The following POLI variants were observed in gnomAD, a reference collection of about 807,000 sequenced individuals.
POLI encodes RAD30 homolog B.
Under a neutral mutation model 51.6 loss-of-function variants are expected in POLI, and 58 were observed. The ratio of observed to expected loss-of-function variants is 1.12; its 90% CI spans 0.91 to 1.40. POLI has a LOEUF of 1.40. Among genes scored for constraint, POLI ranks in the 40% most tolerant of loss-of-function variants. The pLI, the probability that POLI is intolerant of heterozygous loss-of-function variation, is 0.00. For synonymous variants in POLI, 322 were observed against 299.7 expected (o/e 1.07, Z -0.77); for missense variants, 921 against 871.3 (o/e 1.06, Z -0.72).
At chr18:54,304,877 G>T (rs1196035383) in intron 3 of POLI, among the ~76,000 whole-genome samples, 1 of 152,166 alleles carries the variant, frequency 6.6e-6, no homozygotes, top group Non-Finnish European at 1.5e-5. Context: ...TTTTCTTCTA[G>T]GGTTTTTACG....
rs1431631845 is a variant in POLI at position 54,294,692 on chromosome 18, ATTAC to A, written c.*228_*231del. ...TCTTTTATGTCTAAAGCCATTTTAT[ATTAC>A]TTTTCAATAAAAAGAATATCATGGT... On this transcript the variant is annotated 3_prime_UTR_variant, in exon 10 of 10. Coordinates refer to ENST00000579534, the MANE Select transcript of POLI (RefSeq NM_007195.3). The A allele has an allele frequency of 1.6e-5, 18 of 1,133,808 alleles. No homozygotes were observed. Among genetic ancestry groups the A allele is most frequent in the Middle Eastern group, 3.6e-4 (1 of 2,794 alleles). 70.2% of individuals were successfully genotyped at this position (1,133,808 alleles called of 1,614,324 possible).
At chr18:54,309,837 C>A (rs963786686) in intron 3 of POLI, among the ~76,000 whole-genome samples, 9 of 152,236 alleles carry the variant, frequency 5.9e-5, no homozygotes, top group African/African-American at 2.2e-4. Flanking sequence ...GCAGTTCCAT[C>A]TCGGACTGCT....
chr18:54,272,362 A>T (rs1242336793), intron 2 of POLI: 1 of 152,228 alleles, frequency 6.6e-6, no homozygotes, highest in Non-Finnish European at 1.5e-5. Flanking sequence ...TGTTCTGTAG[A>T]TAATGCTTAA....
Position 54,293,501 on chromosome 18 carries a change from T to G in POLI, c.1405-148T>G, listed in dbSNP as rs2088124647. 4 of 563,268 alleles carry G rather than the reference T, an allele frequency of 7.1e-6. No homozygotes were observed. In the African/African-American group the frequency reaches 7.6e-5, roughly 11 times the overall value. The allele number at this position is 563,268 out of a possible 1,614,324, so 34.9% of individuals were successfully genotyped here. A position where few individuals can be genotyped will look rare whatever the true frequency, so the allele number is the denominator to read the frequency against. On this transcript the variant is annotated intron_variant, in intron 9 of 9. Coordinates refer to ENST00000579534, the MANE Select transcript of POLI (RefSeq NM_007195.3). ...TAGTGTGAATAATTGTGGTAGTAGA[T>G]CTCTAGTTGTTTGGAACTGGCCACA...
rs762574854 is a variant in POLI at position 54,294,136 on chromosome 18, A to G, written c.1892A>G (p.Asp631Gly). ...TATTATTTAGATAATAGATTAAAAGATGAACGAATAAGTCAAGGACCTAAA... is the reference window on the plus strand; with the variant it reads ...TATTATTTAGATAATAGATTAAAAGGTGAACGAATAAGTCAAGGACCTAAA... ...YSYYLDNRLK[D>G]ERISQGPKEP... is the part of the protein sequence containing the mutation. Residue 631 changes from aspartate to glycine, a missense_variant, in exon 10 of 10, where the codon GAT (aspartate) becomes GGT (glycine). Coordinates refer to ENST00000579534, the MANE Select transcript of POLI (RefSeq NM_007195.3). 5 of 1,610,526 alleles carry G rather than the reference A, an allele frequency of 3.1e-6. No individual in the cohort carries two copies. In the Admixed American group the frequency reaches 5.0e-5, roughly 16 times the overall value.
In POLI at chr18:54,271,366, A is replaced by G. The variant is rs1352254116; in HGVS notation, c.122A>G (p.His41Arg). Reference protein sequence around the residue: ...VGAAASSQGVHDQVLPTPNAS... With the variant: ...VGAAASSQGVRDQVLPTPNAS... ...TTCTTTGCATATTGTGCAGGAGTTC[A>G]TGATCAAGTGTTGCCCACACCAAAT... Residue 41 changes from histidine (H) to arginine (R), a missense_variant, in exon 2 of 10, where the codon CAT becomes CGT. Physicochemically the swap from His to Arg is conservative, Grantham distance 29. Coordinates refer to ENST00000579534, the MANE Select transcript of POLI (RefSeq NM_007195.3). 5 of 1,611,842 alleles carry G rather than the reference A, an allele frequency of 3.1e-6. No individual in the cohort carries two copies. In the South Asian group the frequency reaches 5.5e-5, roughly 18 times the overall value.
chr18:54,308,871 A>G (rs901746187), intron 3 of POLI, among the ~76,000 whole-genome samples: 1 of 152,156 alleles, frequency 6.6e-6, no homozygotes, highest in Non-Finnish European at 1.5e-5. Flanking sequence ...AGTTGATCGA[A>G]TCGGCTACTG....
At chr18:54,269,982 G>A (rs2086929354) in intron 1 of POLI, 5 of 1,102,614 alleles carry the variant, frequency 4.5e-6, no homozygotes, top group Non-Finnish European at 4.4e-6. Context: ...GAGGCTTCTG[G>A]GCCTTTTAAC....
chr18:54,315,835 C>T (rs534047166), intron 3 of POLI, among the ~76,000 whole-genome samples: 1 of 151,982 alleles, frequency 6.6e-6, no homozygotes, highest in South Asian at 2.1e-4. Context: ...TACTTTGAGC[C>T]TCTGTGTGTC....
intron 8 of POLI, among the ~76,000 whole-genome samples, chr18:54,290,780 G>A (rs1855697881): frequency 2.0e-5 from 3 of 152,212 alleles, no homozygotes; most frequent in East Asian, 1.9e-4. Context: ...GTTGAACAAC[G>A]AGGACACATG....
Position 54,297,255 on chromosome 18 carries a change from G to T in POLI, c.*2788G>T, listed in dbSNP as rs1207906702. On this transcript the variant is annotated 3_prime_UTR_variant, in exon 10 of 10. Transcript: ENST00000579534. ...TGCTTCTTGCTTGATGCTTTCTGCT[G>T]CTTTCTTGCTTTTGTTTCAGCTCGA... 1 of 984,086 alleles carries T rather than the reference G, an allele frequency of 1.0e-6. No individual in the cohort carries two copies. The highest frequency in any genetic ancestry group is 1.2e-6 in the Non-Finnish European group (1 of 829,704). 61.0% of individuals were successfully genotyped at this position (984,086 alleles called of 1,614,324 possible). A position where few individuals can be genotyped will look rare whatever the true frequency, so the allele number is the denominator to read the frequency against.
At chr18:54,301,351 A>C (rs1468043728), downstream of POLI, among the ~76,000 whole-genome samples, 1 of 152,206 alleles carries the variant, frequency 6.6e-6, no homozygotes, top group African/African-American at 2.4e-5. Flanking sequence ...AAAAAAAATC[A>C]GTAAGGATAC....
chr18:54,305,809 A>C (rs1439209484), intron 3 of POLI, among the ~76,000 whole-genome samples: 2 of 151,808 alleles, frequency 1.3e-5, no homozygotes, highest in African/African-American at 4.8e-5. Context: ...CCCAGGCTGG[A>C]GTGCAGTGGT....
At chr18:54,316,071 A>G (rs1196203354) in intron 3 of POLI, among the ~76,000 whole-genome samples, 1 of 152,070 alleles carries the variant, frequency 6.6e-6, no homozygotes. Context: ...ATGTACCACC[A>G]TGCCTGGCTA....
downstream of POLI, among the ~76,000 whole-genome samples, chr18:54,302,409 A>G (rs1287853400): frequency 6.6e-6 from 1 of 152,188 alleles, no homozygotes; most frequent in Non-Finnish European, 1.5e-5. Flanking sequence ...TTACTCTTTT[A>G]CAATTCTCTA....
Position 54,274,016 on chromosome 18 carries a change from A to G in POLI, c.332A>G (p.Glu111Gly), listed in dbSNP as rs1157967866. ...KKLMNVRDAK[E>G]KCPQLVLVNG... ...CTTATGAATGTCAGAGATGCAAAAG[A>G]AAAGTGTCCACAGTTGGTATTAGTT... is the stretch of plus-strand genomic sequence containing the variant. The change falls in exon 3 of 10, where the codon GAA becomes GGA. Residue 111 changes from glutamate to glycine, a missense_variant. By Grantham distance (98) the Glu-to-Gly change is moderately conservative (BLOSUM62 -2). Coordinates refer to ENST00000579534, the MANE Select transcript of POLI (RefSeq NM_007195.3). 2 of 1,583,050 alleles carry G rather than the reference A, an allele frequency of 1.3e-6. No homozygotes were observed. Among genetic ancestry groups the G allele is most frequent in the Admixed American group, 1.8e-5 (1 of 56,722 alleles).
In POLI at chr18:54,295,633, T is replaced by C. The variant is rs754366746; in HGVS notation, c.*1166T>C. 5 of 648,156 alleles carry C rather than the reference T, an allele frequency of 7.7e-6. No homozygotes were observed. Among genetic ancestry groups the C allele is most frequent in the Non-Finnish European group, 9.6e-6 (5 of 522,816 alleles). The allele number at this position is 648,156 out of a possible 1,614,324, so 40.2% of individuals were successfully genotyped here. ...TAGGTCTGAAATTTTCTTTTCTTTC[T>C]TTTTTTGTTTTGGAGACAGAGTCTC... On this transcript the variant is annotated 3_prime_UTR_variant, in exon 10 of 10. Transcript: ENST00000579534.
At position 54,269,536 on chromosome 18, in the gene POLI, G is replaced by A. The variant is rs1210774602; in HGVS notation, c.-11G>A. On this transcript the variant is annotated 5_prime_UTR_variant, in exon 1 of 10. Coordinates refer to ENST00000579534, the MANE Select transcript of POLI (RefSeq NM_007195.3). ...GCGGCCGGAAGTAGCGCTGCGGTTG[G>A]CAGCGGCGGGATGGAGAAGCTGGGG... is the stretch of plus-strand genomic sequence containing the variant. 6.6e-7 allele frequency: 1 copy of A among 1,507,192 alleles called. No homozygotes were observed. The highest frequency in any genetic ancestry group is 2.4e-5 in the Admixed American group (1 of 41,428). 93.4% of individuals were successfully genotyped at this position (1,507,192 alleles called of 1,614,324 possible).
Position 54,296,843 on chromosome 18 carries a change from G to A in POLI, c.*2376G>A, listed in dbSNP as rs513543. The A allele has an allele frequency of 0.68, 451,561 of 667,936 alleles. 154,832 individuals are homozygous for A. Among genetic ancestry groups the A allele is most frequent in the African/African-American group, 0.93 (46,707 of 50,108 alleles). 41.4% of individuals were successfully genotyped at this position (667,936 alleles called of 1,614,324 possible). On this transcript the variant is annotated 3_prime_UTR_variant, in exon 10 of 10. Transcript: ENST00000579534. ...ACTCATTACAGTCCCTTGTAAGTCTGTTTCTAATTTTTAAAAGTCAAATAT... is the reference window on the plus strand; with the variant it reads ...ACTCATTACAGTCCCTTGTAAGTCTATTTCTAATTTTTAAAAGTCAAATAT...
Sources: allele counts gnomAD v4.1 joint callset (sites outside exome capture counted in the v4.1 genomes callset), GRCh38; gene constraint gnomAD v4.1.1; transcripts MANE v1.5; gene names NCBI Gene and HGNC (gene_info 2026-07-23, HGNC 2026-07-21).